Variants in POFUT1 observed in about 807,000 individuals in gnomAD.
The protein encoded by POFUT1 is protein O-fucosyltransferase 1, also known as GDP-fucose protein O-fucosyltransferase 1.
POFUT1 carries 16 observed loss-of-function variants against 42.4 expected under a neutral mutation model. The ratio of observed to expected loss-of-function variants is 0.38; its 90% confidence interval spans 0.26 to 0.57. The LOEUF is 0.57. Ranked by LOEUF, POFUT1 falls within the 20% of genes least tolerant of loss-of-function variation. The pLI is 0.71. For missense variants in POFUT1, 470 were observed against 504.6 expected (o/e 0.93, Z 0.66); for synonymous variants, 206 against 205.4 (o/e 1.00, Z -0.03).
At position 32,210,192 on chromosome 20, in the gene POFUT1, C is replaced by A. The variant is rs763123143; in HGVS notation, c.246C>A (p.Asn82Lys). Residue 82 changes from asparagine to lysine, a missense_variant and splice_region_variant, in exon 2 of 7, where the codon AAC becomes AAA. Coordinates refer to ENST00000375749, the MANE Select transcript of POFUT1 (RefSeq NM_015352.2). ...EYQHHKPPFT[N>K]LHVSYQKYFK... The stretch of plus-strand genomic sequence containing the variant: ...AGCATCACAAGCCTCCTTTCACCAA[C>A]GTGAGTACTTCCCACTGACCTTGGC... 3 of 1,614,140 alleles carry A rather than the reference C, an allele frequency of 1.9e-6. No individual in the cohort carries two copies. Among genetic ancestry groups the A allele is most frequent in the African/African-American group, 2.7e-5 (2 of 75,044 alleles).
intron 4 of POFUT1, among the ~76,000 whole-genome samples, chr20:32,226,101 T>C (rs2047413517): frequency 8.4e-6 from 1 of 119,196 alleles, no homozygotes; most frequent in South Asian, 3.0e-4. Context: ...TAGGTGTGTG[T>C]TTTTTGTTTT....
intron 6 of POFUT1, among the ~76,000 whole-genome samples, chr20:32,231,709 T>C (rs867685442): frequency 3.1e-4 from 47 of 152,172 alleles, no homozygotes; most frequent in African/African-American, 1.0e-3. Flanking sequence ...ACCTATCTCA[T>C]AGGGCAGTTG....
At chr20:32,219,598 G>A (rs2047380552) in intron 4 of POFUT1, among the ~76,000 whole-genome samples, 1 of 148,360 alleles carries the variant, frequency 6.7e-6, no homozygotes, top group African/African-American at 2.5e-5. Context: ...CCGGGTTCAT[G>A]CCATTCTCCT....
chr20:32,216,662 G>A lies in POFUT1; in HGVS notation c.483G>A (p.Lys161=). The A allele has an allele frequency of 6.2e-7, 1 of 1,614,042 alleles. No homozygotes were observed. The highest frequency in any genetic ancestry group is 8.5e-7 in the Non-Finnish European group (1 of 1,179,894). The change falls in exon 4 of 7, where the codon AAG becomes AAA. Residue 161 remains lysine, a synonymous_variant. Transcript: ENST00000375749. ...FWDQFHVSFN[K]SELFTGISFS... is the part of the protein sequence containing the mutation. ...ATCAGTTTCATGTGAGTTTCAACAAGTCGGAGCTTTTTACAGGCATTTCCT... is the reference window on the plus strand; with the variant it reads ...ATCAGTTTCATGTGAGTTTCAACAAATCGGAGCTTTTTACAGGCATTTCCT...
At chr20:32,226,430 T>G (rs2047415039) in intron 4 of POFUT1, among the ~76,000 whole-genome samples, 1 of 150,808 alleles carries the variant, frequency 6.6e-6, no homozygotes, top group Non-Finnish European at 1.5e-5. Context: ...TTGTACTTAC[T>G]TCTGAGTGTG....
chr20:32,227,504 A>G (rs888266717), intron 4 of POFUT1, among the ~76,000 whole-genome samples: 25 of 152,216 alleles, frequency 1.6e-4, no homozygotes, highest in African/African-American at 5.1e-4. Flanking sequence ...CCTGGGTGAC[A>G]CCTGGGTGAC....
intron 4 of POFUT1, chr20:32,222,793 C>A (rs931891333): frequency 2.0e-6 from 2 of 985,326 alleles, no homozygotes; most frequent in African/African-American, 3.5e-5. Flanking sequence ...TGCACATTGA[C>A]TATTGGAAGG....
In POFUT1 at chr20:32,234,652, C is replaced by G. The variant is rs7263390; in HGVS notation, c.1158C>G (p.Asp386Glu). The change falls in exon 7 of 7, where the codon GAC becomes GAG. Residue 386 changes from aspartate (D) to glutamate (E), a missense_variant. Asp to Glu is a conservative substitution (Grantham distance 45). Transcript: ENST00000375749. ...FGMDRPPKLR[D>E]EF ...TGGACAGGCCCCCTAAGCTGCGGGA[C>G]GAGTTCTGATTCTGGCCGGAGCACC... 1 of 1,606,904 alleles carries G rather than the reference C, an allele frequency of 6.2e-7. No individual in the cohort carries two copies. The highest frequency in any genetic ancestry group is 2.2e-5 in the East Asian group (1 of 44,786).
intron 4 of POFUT1, 32 bp downstream of exon 4, chr20:32,216,753 G>C: frequency 6.7e-7 from 1 of 1,496,830 alleles, no homozygotes; most frequent in Non-Finnish European, 9.3e-7. Context: ...TCTGGGTTTA[G>C]GGGAGGCGCA....
intron 4 of POFUT1, among the ~76,000 whole-genome samples, chr20:32,218,613 C>T (rs1340087128): frequency 6.6e-6 from 1 of 152,190 alleles, no homozygotes; most frequent in East Asian, 1.9e-4. Flanking sequence ...ATAGCACACT[C>T]CCATTCTCTG....
chr20:32,224,410 A>G (rs2047404774), intron 4 of POFUT1, among the ~76,000 whole-genome samples: 1 of 152,006 alleles, frequency 6.6e-6, no homozygotes. Context: ...AAGGAAAGAA[A>G]ACTAGAGTCT....
chr20:32,217,863 G>A, intron 4 of POFUT1: 1 of 392,866 alleles, frequency 2.5e-6, no homozygotes, highest in Non-Finnish European at 3.5e-6. Context: ...TCATTGAGCT[G>A]TTGAGTGGAC....
At chr20:32,221,074 A>C (rs2047388714) in intron 4 of POFUT1, among the ~76,000 whole-genome samples, 1 of 152,194 alleles carries the variant, frequency 6.6e-6, no homozygotes, top group Non-Finnish European at 1.5e-5. Context: ...GACCACTTCT[A>C]ATCTGCCACA....
At position 32,234,902 on chromosome 20, in the gene POFUT1, G is replaced by T. The variant is rs1293045735; in HGVS notation, c.*241G>T. 2 of 429,802 alleles carry T rather than the reference G, an allele frequency of 4.7e-6. No homozygotes were observed. The highest frequency in any genetic ancestry group is 8.3e-6 in the Non-Finnish European group (2 of 241,416). The allele number at this position is 429,802 out of a possible 1,614,324, so 26.6% of individuals were successfully genotyped here. A position where few individuals can be genotyped will look rare whatever the true frequency, so the allele number is the denominator to read the frequency against. On this transcript the variant is annotated 3_prime_UTR_variant, in exon 7 of 7. Transcript: ENST00000375749. ...ATCGCACGTGCTTTCTGCTCTTCTG[G>T]GAATTTCTCACACTGGCAAAGCAGT...
In POFUT1 at chr20:32,217,119, T is replaced by A. The variant is rs1053831289; in HGVS notation, c.542+398T>A. 6 of 1,595,200 alleles carry A rather than the reference T, an allele frequency of 3.8e-6. No homozygotes were observed. In the South Asian group the frequency reaches 5.6e-5, roughly 15 times the overall value. ...GAAATGACGTCATCCTGATAATTAT[T>A]GGACGTGTTTATTAATTGCACCCCA... On this transcript the variant is annotated intron_variant, in intron 4 of 6. Transcript: ENST00000375749.
chr20:32,221,212 A>G (rs1220553860), intron 4 of POFUT1, among the ~76,000 whole-genome samples: 1 of 152,180 alleles, frequency 6.6e-6, no homozygotes. Context: ...AACATTTAAC[A>G]TTAAACATTT....
intron 4 of POFUT1, among the ~76,000 whole-genome samples, chr20:32,227,881 C>G (rs2047422677): frequency 6.6e-6 from 1 of 152,166 alleles, no homozygotes; most frequent in African/African-American, 2.4e-5. Context: ...GCTGCATGTC[C>G]CAGTCCTGCC....
At position 32,236,742 on chromosome 20, in the gene POFUT1, C is replaced by T. The variant is rs1182746819; in HGVS notation, c.*2081C>T. 6.6e-6 allele frequency: 1 copy of T among 152,208 alleles called. No homozygotes were observed. The highest frequency in any genetic ancestry group is 1.5e-5 in the Non-Finnish European group (1 of 68,042). 9.4% of individuals were successfully genotyped at this position (152,208 alleles called of 1,614,324 possible). A position where few individuals can be genotyped will look rare whatever the true frequency, so the allele number is the denominator to read the frequency against. ...CAAATGTGGCTGTTGATTAATTTGA[C>T]TGCTTCTCGTTGCTCGTCACCTCCA... On this transcript the variant is annotated 3_prime_UTR_variant, in exon 7 of 7. Transcript: ENST00000375749.
intron 6 of POFUT1, among the ~76,000 whole-genome samples, 198 bp from the exon 7 acceptor site, chr20:32,234,275 T>A (rs2047457652): frequency 1.3e-5 from 2 of 152,220 alleles, no homozygotes; most frequent in African/African-American, 4.8e-5. Context: ...GAGCTGAGGC[T>A]CCTGGAGCCC....
Sources: allele counts gnomAD v4.1 joint callset (sites outside exome capture counted in the v4.1 genomes callset), GRCh38; gene constraint gnomAD v4.1.1; transcripts MANE v1.5; gene names NCBI Gene and HGNC (gene_info 2026-07-23, HGNC 2026-07-21).